Variants in THSD7B observed in about 807,000 individuals in gnomAD.
The protein encoded by THSD7B is thrombospondin type-1 domain-containing protein 7B.
A neutral mutation model predicts 213.6 loss-of-function variants in THSD7B; 138 were observed. The observed-to-expected ratio is 0.65, with a 90% CI of 0.56 to 0.74. The LOEUF is 0.74. Among genes scored for constraint, THSD7B ranks in the 30% least tolerant of loss-of-function variants. The pLI, the probability that THSD7B is intolerant of heterozygous loss-of-function variation, is 0.00. For missense variants in THSD7B, 1,931 were observed against 1,991.5 expected (o/e 0.97, Z 0.58); for synonymous variants, 742 against 687.0 (o/e 1.08, Z -1.25).
At chr2:137,537,229 A>G (rs1680524105) in intron 15 of THSD7B, among the ~76,000 whole-genome samples, 1 of 151,764 alleles carries the variant, frequency 6.6e-6, no homozygotes, top group African/African-American at 2.4e-5. Flanking sequence ...TTATCATGTG[A>G]ACATTGTTCA....
rs182559195 is a variant in THSD7B, at chr2:137,069,781, A to G, written c.950+12551A>G. 9.1e-4 allele frequency among the ~76,000 whole-genome samples: 138 copies of G among 151,756 alleles called. 1 individual carries two copies. The highest frequency in any genetic ancestry group is 3.1e-3 in the African/African-American group (130 of 41,488). ...CCAAACAACACAAGTCTTTTTCATA[A>G]TTTGTTCTTTGAAAGTAGTAGAAAT... is the stretch of plus-strand genomic sequence containing the variant. On this transcript the variant is annotated intron_variant, in intron 3 of 27. Transcript: ENST00000409968.
intron 12 of THSD7B, among the ~76,000 whole-genome samples, chr2:137,304,641 T>C (rs995041139): frequency 6.6e-6 from 1 of 152,106 alleles, no homozygotes; most frequent in Admixed American, 6.6e-5. Context: ...TCTTCACTGG[T>C]ATATGTATGC....
intron 2 of THSD7B, among the ~76,000 whole-genome samples, chr2:137,021,500 A>G (rs72985553): frequency 0.11 from 16,496 of 152,252 alleles, 961 homozygotes; most frequent in African/African-American, 0.15. Context: ...AAAACTTCCA[A>G]TTATTGGAGA....
intron 2 of THSD7B, among the ~76,000 whole-genome samples, chr2:137,003,309 G>T (rs1053568940): frequency 1.3e-5 from 2 of 152,152 alleles, no homozygotes; most frequent in African/African-American, 4.8e-5. Context: ...AAGGAAAATG[G>T]AAAGAGCATT....
intron 19 of THSD7B, among the ~76,000 whole-genome samples, chr2:137,618,857 A>C (rs1490519056): frequency 3.3e-5 from 5 of 152,214 alleles, no homozygotes; most frequent in Non-Finnish European, 5.9e-5. Flanking sequence ...ATTCATTTGC[A>C]TATGTGATAA....
chr2:136,788,939 G>C (rs1681915288), intron 1 of THSD7B, among the ~76,000 whole-genome samples: 1 of 152,060 alleles, frequency 6.6e-6, no homozygotes, highest in Non-Finnish European at 1.5e-5. Context: ...TAGGTTCTTT[G>C]GGTAATCAAG....
At chr2:137,115,412 T>G in intron 5 of THSD7B, 119 bp downstream of exon 5, 1 of 1,190,386 alleles carries the variant, frequency 8.4e-7, no homozygotes, top group South Asian at 2.1e-5. Flanking sequence ...TAATATTTAT[T>G]TTGTTGACCA....
Position 136,954,488 on chromosome 2 carries a change from G to A in THSD7B, c.139+72171G>A, listed in dbSNP as rs1203163182. Among the ~76,000 whole-genome samples the A allele has an allele frequency of 3.9e-5, 6 of 152,110 alleles. No homozygotes were observed. In the East Asian group the frequency reaches 7.7e-4, roughly 20 times the overall value. On this transcript the variant is annotated intron_variant, in intron 2 of 27. Transcript: ENST00000409968. ...TCCCAGCCCTTTGGGAGGCCGAGGC[G>A]GGCGGATCTTGAGGTCAGGAGATCG...
At chr2:137,126,991 T>C (rs2104949119) in intron 5 of THSD7B, among the ~76,000 whole-genome samples, 1 of 152,216 alleles carries the variant, frequency 6.6e-6, no homozygotes. Flanking sequence ...TGGATGGGTG[T>C]GGTTCCTGGA....
chr2:137,523,829 AT>A (rs1177753999), intron 15 of THSD7B, among the ~76,000 whole-genome samples: 3 of 151,978 alleles, frequency 2.0e-5, no homozygotes, highest in Non-Finnish European at 4.4e-5. Context: ...GACACCATCT[AT>A]TTTTTTCCTA....
rs189181565 is a variant in THSD7B at position 137,660,953 on chromosome 2, A to G, written c.4458+1207A>G. Among the ~76,000 whole-genome samples, 366 of 152,256 alleles carry G rather than the reference A, an allele frequency of 2.4e-3. 3 individuals are homozygous for G. The highest frequency in any genetic ancestry group is 8.4e-3 in the African/African-American group (351 of 41,562). On this transcript the variant is annotated intron_variant, in intron 25 of 27. Transcript: ENST00000409968. Reference sequence around the variant, plus strand: ...TTGAGGTGCTTTGTTTACTTTTAGTATCTGTTTCTCCTCAAAATCATGTGT... The same window carrying G: ...TTGAGGTGCTTTGTTTACTTTTAGTGTCTGTTTCTCCTCAAAATCATGTGT...
chr2:137,234,575 T>C (rs1681723497), intron 9 of THSD7B, among the ~76,000 whole-genome samples: 1 of 152,192 alleles, frequency 6.6e-6, no homozygotes, highest in African/African-American at 2.4e-5. Context: ...AAGCATAGCC[T>C]GGAACACTTG....
chr2:136,923,363 G>C (rs572615804), intron 2 of THSD7B, among the ~76,000 whole-genome samples: 42 of 152,170 alleles, frequency 2.8e-4, no homozygotes, highest in Admixed American at 2.7e-3. Flanking sequence ...ATAGACATCT[G>C]GGTTGCTTCC....
chr2:137,571,925 G>A (rs546569241), intron 16 of THSD7B, among the ~76,000 whole-genome samples: 5 of 152,122 alleles, frequency 3.3e-5, no homozygotes, highest in East Asian at 1.9e-4. Context: ...AAAATGGGTG[G>A]GATAAAGTTT....
chr2:137,397,688 T>C (rs561069097), intron 12 of THSD7B, among the ~76,000 whole-genome samples: 4 of 152,094 alleles, frequency 2.6e-5, no homozygotes, highest in African/African-American at 7.2e-5. Context: ...GTTCTCTGTA[T>C]TTCCTGAATC....
At chr2:137,386,425 A>T (rs1558778614) in intron 12 of THSD7B, among the ~76,000 whole-genome samples, 1 of 152,182 alleles carries the variant, frequency 6.6e-6, no homozygotes, top group Non-Finnish European at 1.5e-5. Flanking sequence ...TGTGCAGCTG[A>T]ACTGAGGTCC....
chr2:136,924,545 GT>G (rs1189971252), intron 2 of THSD7B, among the ~76,000 whole-genome samples: 2 of 151,924 alleles, frequency 1.3e-5, no homozygotes, highest in African/African-American at 2.4e-5. Context: ...ATATATATAT[GT>G]TTTTTATGCT....
chr2:137,043,371 T>C (rs1259333480), intron 2 of THSD7B, among the ~76,000 whole-genome samples: 4 of 152,124 alleles, frequency 2.6e-5, no homozygotes, highest in African/African-American at 9.7e-5. Context: ...TGCACCATGC[T>C]TGGTTCTTTA....
intron 3 of THSD7B, among the ~76,000 whole-genome samples, chr2:137,073,500 C>T (rs546786972): frequency 1.8e-3 from 268 of 152,240 alleles, no homozygotes; most frequent in Non-Finnish European, 2.8e-3. Context: ...GTCTTGCTAG[C>T]GGTCTATCAA....
Sources: allele counts gnomAD v4.1 joint callset (sites outside exome capture counted in the v4.1 genomes callset), GRCh38; gene constraint gnomAD v4.1.1; transcripts MANE v1.5; gene names NCBI Gene and HGNC (gene_info 2026-07-23, HGNC 2026-07-21).